PARD3B: variants seen among roughly 807,000 people sequenced by gnomAD.
PARD3B encodes the protein par-3 family cell polarity regulator beta, also known as partitioning defective 3 homolog B.
A neutral mutation model predicts 130.2 loss-of-function variants in PARD3B; 103 were observed. The observed-to-expected ratio is 0.79, with a 90% CI of 0.67 to 0.93. PARD3B has a LOEUF of 0.93. Among genes scored for constraint, PARD3B ranks in the 40% least tolerant of loss-of-function variants. PARD3B has a pLI of 0.00. For synonymous variants in PARD3B, 583 were observed against 553.2 expected (o/e 1.05, Z -0.76); for missense variants, 1,609 against 1,499.2 (o/e 1.07, Z -1.21).
At chr2:204,704,321 A>G (rs1451795396) in intron 2 of PARD3B, among the ~76,000 whole-genome samples, 3 of 152,208 alleles carry the variant, frequency 2.0e-5, no homozygotes, top group African/African-American at 7.2e-5. Context: ...GTAAAGATGA[A>G]CGTTGAAACT....
chr2:204,640,251 G>A (rs1026582630), intron 1 of PARD3B, among the ~76,000 whole-genome samples: 9 of 152,102 alleles, frequency 5.9e-5, no homozygotes, highest in Admixed American at 1.3e-4. Context: ...GTGAGACCCT[G>A]TCTCAAAAAA....
At chr2:204,713,145 C>G (rs2038538055) in intron 2 of PARD3B, among the ~76,000 whole-genome samples, 2 of 151,956 alleles carry the variant, frequency 1.3e-5, no homozygotes, top group Admixed American at 6.6e-5. Flanking sequence ...TTGCTTTATT[C>G]TTCAACACGC....
intron 15 of PARD3B, among the ~76,000 whole-genome samples, chr2:205,233,493 T>G (rs898731181): frequency 1.3e-5 from 2 of 152,120 alleles, no homozygotes; most frequent in African/African-American, 4.8e-5. Flanking sequence ...TAAGGTTAAT[T>G]GTTTAAACAA....
rs1255468559 is a variant in PARD3B, at chr2:205,397,100, A to G, written c.2631-3913A>G. Among the ~76,000 whole-genome samples, 1 of 152,196 alleles carries G rather than the reference A, an allele frequency of 6.6e-6. No individual in the cohort carries two copies. The highest frequency in any genetic ancestry group is 2.4e-5 in the African/African-American group (1 of 41,456). ...GAAAAAGAATTCAGTGTGTTAATAA[A>G]TAAAATGCAATTAACTTCTCTGGGT... On this transcript the variant is annotated intron_variant, in intron 18 of 22. Transcript: ENST00000406610. The surrounding 1 kb of genome is among the most constrained non-coding windows in gnomAD (Gnocchi z 4.8).
intron 2 of PARD3B, among the ~76,000 whole-genome samples, chr2:204,774,679 A>T (rs560622847): frequency 1.3e-5 from 2 of 152,266 alleles, no homozygotes; most frequent in Non-Finnish European, 2.9e-5. Flanking sequence ...CTTTTAGGAA[A>T]ATACACTTTG....
At position 205,401,986 on chromosome 2, in the gene PARD3B, C is replaced by T. The variant is rs756199275; in HGVS notation, c.2741+863C>T. Reference sequence around the variant, plus strand: ...TAGTTCTTATAGTTTCTAAAGAGACCATTCTTGTATTGATTTTATTACTTT... The same window carrying T: ...TAGTTCTTATAGTTTCTAAAGAGACTATTCTTGTATTGATTTTATTACTTT... On this transcript the variant is annotated intron_variant, in intron 19 of 22. Transcript: ENST00000406610. Among the ~76,000 whole-genome samples the T allele has an allele frequency of 8.4e-4, 128 of 152,020 alleles. 3 individuals carry two copies. The highest frequency in any genetic ancestry group is 3.7e-4 in the Non-Finnish European group (25 of 67,996).
chr2:204,594,315 T>C (rs1029839518), intron 1 of PARD3B, among the ~76,000 whole-genome samples: 1 of 152,160 alleles, frequency 6.6e-6, no homozygotes, highest in African/African-American at 2.4e-5. Context: ...AAACAGGCAA[T>C]GCCTATTCCT....
At chr2:205,354,526 CCA>C (rs1362881593) in intron 18 of PARD3B, among the ~76,000 whole-genome samples, 1 of 151,644 alleles carries the variant, frequency 6.6e-6, no homozygotes, top group East Asian at 1.9e-4. Flanking sequence ...ACTACGTTGC[CCA>C]GACTTTTCTG....
rs112565607 is a variant in PARD3B at position 204,740,890 on chromosome 2, G to T, written c.222+54608G>T. Among the ~76,000 whole-genome samples the T allele has an allele frequency of 4.5e-3, 684 of 152,236 alleles. 8 individuals carry two copies. The highest frequency in any genetic ancestry group is 0.016 in the African/African-American group (647 of 41,534). On this transcript the variant is annotated intron_variant, in intron 2 of 22. Coordinates refer to ENST00000406610, the MANE Select transcript of PARD3B (RefSeq NM_001302769.2). The stretch of plus-strand genomic sequence containing the variant: ...CTCATATTTGATAGTGGATGTTTTT[G>T]TGTATCTTAAAGTGTGTTCATGTGT...
At chr2:205,093,191 G>A (rs903529033) in intron 4 of PARD3B, among the ~76,000 whole-genome samples, 4 of 152,092 alleles carry the variant, frequency 2.6e-5, no homozygotes, top group Non-Finnish European at 4.4e-5. Flanking sequence ...TACTCCAGAC[G>A]TCATAAATAT....
At chr2:205,486,832 G>A (rs1273795155) in intron 20 of PARD3B, among the ~76,000 whole-genome samples, 2 of 151,942 alleles carry the variant, frequency 1.3e-5, no homozygotes, top group Non-Finnish European at 2.9e-5. Flanking sequence ...ATTTGAGTGG[G>A]GACACAGAGA....
At chr2:204,927,865 T>C (rs1687745115) in intron 2 of PARD3B, among the ~76,000 whole-genome samples, 1 of 148,814 alleles carries the variant, frequency 6.7e-6, no homozygotes, top group Non-Finnish European at 1.5e-5. Flanking sequence ...GGTAGGTAGA[T>C]AGATAGATAG....
intron 10 of PARD3B, among the ~76,000 whole-genome samples, chr2:205,138,756 G>T (rs1028053636): frequency 2.0e-5 from 3 of 152,174 alleles, no homozygotes; most frequent in African/African-American, 7.2e-5. Context: ...TCTCTTCTTA[G>T]TGTTTGTTTG....
At chr2:205,120,058 T>A (rs1166587691) in intron 7 of PARD3B, among the ~76,000 whole-genome samples, 3 of 152,124 alleles carry the variant, frequency 2.0e-5, no homozygotes, top group African/African-American at 7.2e-5. Context: ...TGCGTGTTTG[T>A]GGACAAAGAT....
intron 2 of PARD3B, among the ~76,000 whole-genome samples, chr2:204,826,756 A>G (rs1575079338): frequency 1.3e-5 from 2 of 152,144 alleles, no homozygotes; most frequent in Non-Finnish European, 2.9e-5. Flanking sequence ...ATGGTGGCTC[A>G]TGCTTGTAAT....
rs1435130087 is a variant in PARD3B, at chr2:205,288,043, G to A, written c.2186-12487G>A. ...ATTTGCCACCTCATTTATTTTGTGT[G>A]TCCCCATGTTATTAGTTTTACTGCC... On this transcript the variant is annotated intron_variant, in intron 16 of 22. Coordinates refer to ENST00000406610, the MANE Select transcript of PARD3B (RefSeq NM_001302769.2). The surrounding 1 kb of genome is among the most constrained non-coding windows in gnomAD (Gnocchi z 4.0). Among the ~76,000 whole-genome samples the A allele has an allele frequency of 6.6e-6, 1 of 152,052 alleles. No homozygotes were observed. The highest frequency in any genetic ancestry group is 1.5e-5 in the Non-Finnish European group (1 of 68,028).
chr2:204,579,032 A>G (rs373575983), intron 1 of PARD3B, among the ~76,000 whole-genome samples: 1 of 151,918 alleles, frequency 6.6e-6, no homozygotes, highest in Non-Finnish European at 1.5e-5. Context: ...GTTTTAGGAG[A>G]AACTTGAGTT....
intron 1 of PARD3B, among the ~76,000 whole-genome samples, chr2:204,550,118 A>G (rs1369701305): frequency 6.6e-6 from 1 of 152,162 alleles, no homozygotes; most frequent in Admixed American, 6.5e-5. Context: ...TGATTCCAGG[A>G]CTTCCCTCGG....
intron 3 of PARD3B, among the ~76,000 whole-genome samples, chr2:204,979,045 G>T (rs976471086): frequency 2.0e-5 from 3 of 150,568 alleles, no homozygotes; most frequent in Non-Finnish European, 4.4e-5. Context: ...CACTGGAAAT[G>T]AATACAAAAA....
Sources: gnomAD v4.1 joint callset for allele counts (sites outside exome capture counted in the v4.1 genomes callset) on GRCh38, gnomAD v4.1.1 for gene constraint, Gnocchi (gnomAD v3.1) non-coding constraint, MANE v1.5 for transcripts, NCBI Gene and HGNC (gene_info 2026-07-23, HGNC 2026-07-21) for gene names.